FAM110B: variants seen among roughly 807,000 people sequenced by gnomAD.
FAM110B encodes protein FAM110B.
A neutral mutation model predicts 20.4 loss-of-function variants in FAM110B; 6 were observed. The ratio of observed to expected loss-of-function variants is 0.29; its 90% CI spans 0.16 to 0.58. FAM110B has a LOEUF of 0.58. Among genes scored for constraint, FAM110B ranks in the 20% least tolerant of loss-of-function variants. The pLI, the probability that FAM110B is intolerant of heterozygous loss-of-function variation, is 0.90. For missense variants in FAM110B, 434 were observed against 498.2 expected (o/e 0.87, Z 1.23); for synonymous variants, 226 against 214.1 (o/e 1.06, Z -0.49).
chr8:58,123,276 T>C (rs1224831634), intron 3 of FAM110B, among the ~76,000 whole-genome samples: 2 of 152,158 alleles, frequency 1.3e-5, no homozygotes. Context: ...TTTTCAACTT[T>C]GTTTCTGAGC....
intron 3 of FAM110B, among the ~76,000 whole-genome samples, chr8:58,096,185 CTT>C (rs1272704556): frequency 1.3e-5 from 2 of 151,754 alleles, no homozygotes; most frequent in Admixed American, 6.6e-5. Context: ...GGTCTTGACT[CTT>C]TTTTTTGAGA....
intron 2 of FAM110B, among the ~76,000 whole-genome samples, chr8:58,050,479 G>A (rs1219431843): frequency 6.6e-6 from 1 of 152,198 alleles, no homozygotes; most frequent in Non-Finnish European, 1.5e-5. Flanking sequence ...CCATGGGGAG[G>A]AATCTGCTCC....
intron 3 of FAM110B, among the ~76,000 whole-genome samples, chr8:58,085,267 C>T (rs1455929546): frequency 1.3e-5 from 2 of 152,166 alleles, no homozygotes; most frequent in South Asian, 2.1e-4. Flanking sequence ...AATCCCAGCC[C>T]TTCAGGAGTC....
chr8:58,088,723 G>A (rs1457468382), intron 3 of FAM110B, among the ~76,000 whole-genome samples: 1 of 152,158 alleles, frequency 6.6e-6, no homozygotes, highest in African/African-American at 2.4e-5. Context: ...AAAGAGGGTG[G>A]AGGAGTTCTA....
At chr8:58,006,810 C>T (rs147206932) in intron 1 of FAM110B, among the ~76,000 whole-genome samples, 86 of 150,266 alleles carry the variant, frequency 5.7e-4, no homozygotes, top group Non-Finnish European at 1.0e-3. Context: ...TGCATCTCTA[C>T]GTTTTGAACT....
chr8:58,021,038 A>C (rs906855585), intron 1 of FAM110B, among the ~76,000 whole-genome samples: 4 of 152,288 alleles, frequency 2.6e-5, no homozygotes, highest in African/African-American at 7.2e-5. Flanking sequence ...TATTTTGTCC[A>C]GGTAAAATTT....
chr8:58,139,895 A>G (rs1199240968), intron 3 of FAM110B, among the ~76,000 whole-genome samples: 1 of 152,168 alleles, frequency 6.6e-6, no homozygotes, highest in Non-Finnish European at 1.5e-5. Flanking sequence ...GTGCCACTGC[A>G]CTCCAGCCTG....
chr8:58,085,666 C>T (rs1328930557), intron 3 of FAM110B, among the ~76,000 whole-genome samples: 1 of 152,188 alleles, frequency 6.6e-6, no homozygotes, highest in Non-Finnish European at 1.5e-5. Flanking sequence ...ACCTCTGGCA[C>T]ATTGATTTAT....
chr8:58,004,597 T>C (rs1804363652), intron 1 of FAM110B, among the ~76,000 whole-genome samples: 1 of 152,160 alleles, frequency 6.6e-6, no homozygotes, highest in African/African-American at 2.4e-5. Flanking sequence ...ATGCAAAAAT[T>C]AGCCAGGCCT....
chr8:58,038,198 T>C (rs1479859844), intron 2 of FAM110B, among the ~76,000 whole-genome samples: 1 of 152,176 alleles, frequency 6.6e-6, no homozygotes, highest in Non-Finnish European at 1.5e-5. Flanking sequence ...ACTTAAAAAT[T>C]AAGTATCAGG....
At chr8:58,127,334 C>T (rs1807532798) in intron 3 of FAM110B, among the ~76,000 whole-genome samples, 2 of 152,166 alleles carry the variant, frequency 1.3e-5, no homozygotes, top group South Asian at 2.1e-4. Flanking sequence ...TACACTGATT[C>T]CTCATTCTTT....
At chr8:58,057,946 T>G (rs550698550) in intron 2 of FAM110B, among the ~76,000 whole-genome samples, 1 of 152,248 alleles carries the variant, frequency 6.6e-6, no homozygotes. Flanking sequence ...GCCTCCAACC[T>G]GCATTGCTTT....
intron 3 of FAM110B, among the ~76,000 whole-genome samples, chr8:58,098,063 C>A (rs991320230): frequency 4.6e-5 from 7 of 152,240 alleles, no homozygotes; most frequent in African/African-American, 1.7e-4. Flanking sequence ...TAGCAGAGCT[C>A]AAGCTCTGTG....
intron 2 of FAM110B, among the ~76,000 whole-genome samples, chr8:58,052,085 G>T (rs929000255): frequency 4.6e-5 from 7 of 152,104 alleles, no homozygotes; most frequent in African/African-American, 1.7e-4. Flanking sequence ...TTTGACTGAA[G>T]AATTTTTAAA....
Position 58,080,012 on chromosome 8 carries a change from G to A in FAM110B, c.-325+4389G>A, listed in dbSNP as rs1585868177. On this transcript the variant is annotated intron_variant, in intron 3 of 3. Coordinates refer to ENST00000519262, the MANE Select transcript of FAM110B (RefSeq NM_001377989.1). ...TGGCCCTGTGCTGGAGACGTTATGTGCAGTTTTCACTTGCCCTTCAGAGAA... is the reference window on the plus strand; with the variant it reads ...TGGCCCTGTGCTGGAGACGTTATGTACAGTTTTCACTTGCCCTTCAGAGAA... Among the ~76,000 whole-genome samples, 3 of 152,296 alleles carry A rather than the reference G, an allele frequency of 2.0e-5. No homozygotes were observed. The South Asian group carries it at 6.2e-4, about 32-fold the overall frequency.
At chr8:58,129,989 G>A (rs1032583205) in intron 3 of FAM110B, among the ~76,000 whole-genome samples, 1 of 151,444 alleles carries the variant, frequency 6.6e-6, no homozygotes, top group Non-Finnish European at 1.5e-5. Flanking sequence ...CTGTCTTCAT[G>A]TTCCTTTCTT....
At chr8:58,013,665 G>A (rs1804583472) in intron 1 of FAM110B, among the ~76,000 whole-genome samples, 1 of 152,140 alleles carries the variant, frequency 6.6e-6, no homozygotes, top group Admixed American at 6.5e-5. Flanking sequence ...GGTCCTGCAT[G>A]CTGAAGCCGA....
chr8:58,050,781 A>C (rs931309798), intron 2 of FAM110B, among the ~76,000 whole-genome samples: 2 of 152,132 alleles, frequency 1.3e-5, no homozygotes, highest in African/African-American at 2.4e-5. Flanking sequence ...CATACCTGCC[A>C]ATCACGGGAG....
chr8:58,014,306 C>G (rs1804596641), intron 1 of FAM110B, among the ~76,000 whole-genome samples: 1 of 152,072 alleles, frequency 6.6e-6, no homozygotes, highest in South Asian at 2.1e-4. Flanking sequence ...TGGGTCAGTG[C>G]TTTGTCAACT....
Sources: gnomAD v4.1 joint callset for allele counts (sites outside exome capture counted in the v4.1 genomes callset) on GRCh38, gnomAD v4.1.1 for gene constraint, MANE v1.5 for transcripts, NCBI Gene and HGNC (gene_info 2026-07-23, HGNC 2026-07-21) for gene names.